Variants in PMP22 observed in about 807,000 individuals in gnomAD.
PMP22 encodes the protein peripheral myelin protein 22.
A neutral mutation model predicts 18.9 loss-of-function variants in PMP22; 2 were observed. That is an observed-to-expected ratio of 0.11 (90% CI 0.04 to 0.33). PMP22 has a LOEUF of 0.33. PMP22 is among the 10% of genes least tolerant of loss of function. PMP22 has a pLI of 1.00. For missense variants in PMP22, 169 were observed against 202.2 expected (o/e 0.84, Z 1.00); for synonymous variants, 95 against 89.2 (o/e 1.07, Z -0.37).
chr17:15,246,297 T>G (rs1237391106), intron 3 of PMP22, among the ~76,000 whole-genome samples: 1 of 152,204 alleles, frequency 6.6e-6, no homozygotes, highest in Admixed American at 6.5e-5. Flanking sequence ...AAATCAGCCA[T>G]AGCCATGGAC....
At chr17:15,251,649 T>A (rs66507245) in intron 3 of PMP22, 67,086 of 149,438 alleles carry the variant, frequency 0.45, 15,689 homozygotes, top group Middle Eastern at 0.55. Context: ...TGGGGGCCAC[T>A]TGTGTGTGGA....
At chr17:15,247,048 A>AGCG (rs1304427048) in intron 3 of PMP22, among the ~76,000 whole-genome samples, 25 of 126,250 alleles carry the variant, frequency 2.0e-4, no homozygotes, top group East Asian at 7.5e-4. Flanking sequence ...CCAGCCTGGA[A>AGCG]ACAGAGCAAG....
intron 3 of PMP22, among the ~76,000 whole-genome samples, chr17:15,245,173 T>A (rs527860528): frequency 5.7e-4 from 87 of 152,178 alleles, no homozygotes; most frequent in African/African-American, 2.1e-3. Context: ...ATTCAAGAGC[T>A]CTCGTTGTTG....
At chr17:15,245,741 G>A (rs1193711278) in intron 3 of PMP22, among the ~76,000 whole-genome samples, 1 of 151,912 alleles carries the variant, frequency 6.6e-6, no homozygotes, top group African/African-American at 2.4e-5. Context: ...GGCGCAGTGG[G>A]TCACGCCTGT....
At chr17:15,235,911 C>A (rs1597603399) in intron 4 of PMP22, among the ~76,000 whole-genome samples, 1 of 151,994 alleles carries the variant, frequency 6.6e-6, no homozygotes, top group Admixed American at 6.6e-5. Flanking sequence ...CGCACCACCA[C>A]GCCTGGCTAT....
At chr17:15,265,115 AC>A (rs1448178865) in intron 1 of PMP22, 38 bp downstream of exon 1, 1 of 152,158 alleles carries the variant, frequency 6.6e-6, no homozygotes, top group Non-Finnish European at 1.5e-5. Flanking sequence ...AAGCATAGGC[AC>A]ACATCACCCA....
rs914656794 is a variant in PMP22, at chr17:15,230,431, A to T, written c.*486T>A. 1 of 174,562 alleles carries T rather than the reference A, an allele frequency of 5.7e-6. No homozygotes were observed. The highest frequency in any genetic ancestry group is 5.5e-5 in the Admixed American group (1 of 18,090). 10.8% of individuals were successfully genotyped at this position (174,562 alleles called of 1,614,324 possible). A position where few individuals can be genotyped will look rare whatever the true frequency, so the allele number is the denominator to read the frequency against. ...CTGTTTCTGTTGGATGCACTGGGTC[A>T]CCCACCAGAAAAGGGCTTTTGGACA... On this transcript the variant is annotated 3_prime_UTR_variant, in exon 5 of 5. Transcript: ENST00000312280.
intron 3 of PMP22, among the ~76,000 whole-genome samples, chr17:15,254,254 A>T (rs1908616514): frequency 6.6e-6 from 1 of 152,204 alleles, no homozygotes; most frequent in Non-Finnish European, 1.5e-5. Context: ...TTTAAATATC[A>T]GCCTGGATTC....
chr17:15,240,506 A>G (rs1398640647), intron 3 of PMP22, among the ~76,000 whole-genome samples: 1 of 149,108 alleles, frequency 6.7e-6, no homozygotes, highest in African/African-American at 2.5e-5. Flanking sequence ...GAAGGCTTAC[A>G]CTTCCTTATC....
chr17:15,236,934 A>G (rs949729083), intron 4 of PMP22, among the ~76,000 whole-genome samples: 3 of 152,182 alleles, frequency 2.0e-5, no homozygotes, highest in African/African-American at 7.2e-5. Flanking sequence ...CACTCTCAGG[A>G]CTTACAAATT....
At position 15,262,045 on chromosome 17, in the gene PMP22, G is replaced by A. The variant is rs140944070; in HGVS notation, c.-34-1284C>T. 8.5e-4 allele frequency among the ~76,000 whole-genome samples: 130 copies of A among 152,322 alleles called. 2 individuals carry two copies. The East Asian group carries it at 0.021, about 25-fold the overall frequency. On this transcript the variant is annotated intron_variant, in intron 1 of 4. Coordinates refer to ENST00000312280, the MANE Select transcript of PMP22 (RefSeq NM_000304.4). ...ATGACTCCCAGAGGGTTTGAATTAA[G>A]CCGATGGCAGGAGGCTGGGAACTGG... is the stretch of plus-strand genomic sequence containing the variant.
rs1221506308 is a variant in PMP22 at position 15,259,197 on chromosome 17, G to C, written c.79-4C>G. Reference sequence around the variant, plus strand: ...GTCCATTGCCCACGATCCATTGCTAGAGAGAATCAGATAGATATCCTGAGT... The same window carrying C: ...GTCCATTGCCCACGATCCATTGCTACAGAGAATCAGATAGATATCCTGAGT... On this transcript the variant is annotated splice_region_variant and splice_polypyrimidine_tract_variant and intron_variant, in intron 2 of 4. Coordinates refer to ENST00000312280, the MANE Select transcript of PMP22 (RefSeq NM_000304.4). 1.9e-6 allele frequency: 3 copies of C among 1,604,244 alleles called. No individual in the cohort carries two copies. The highest frequency in any genetic ancestry group is 2.7e-5 in the African/African-American group (2 of 74,760).
rs1312911659 is a variant in PMP22 at position 15,258,690 on chromosome 17, A to C, written c.178+404T>G. ...CTAGCCCCACTGTCACTGCAGCAGAAAGGGGCAGGACATTTCTGAATAGAG... is the reference window on the plus strand; with the variant it reads ...CTAGCCCCACTGTCACTGCAGCAGACAGGGGCAGGACATTTCTGAATAGAG... On this transcript the variant is annotated intron_variant, in intron 3 of 4. Coordinates refer to ENST00000312280, the MANE Select transcript of PMP22 (RefSeq NM_000304.4). The surrounding 1 kb of genome is among the most constrained non-coding windows in gnomAD (Gnocchi z 4.1). 1 of 306,292 alleles carries C rather than the reference A, an allele frequency of 3.3e-6. No homozygotes were observed. The allele number at this position is 306,292 out of a possible 1,614,324, so 19.0% of individuals were successfully genotyped here.
chr17:15,256,958 G>A (rs186563977), intron 3 of PMP22, among the ~76,000 whole-genome samples: 2 of 152,308 alleles, frequency 1.3e-5, no homozygotes, highest in Non-Finnish European at 2.9e-5. Flanking sequence ...TTTAGATTAA[G>A]CCTGAGTGGC....
rs952478524 is a variant in PMP22, at chr17:15,230,114, A to C, written c.*803T>G. ...CTAGCTAGGTACAAAAGCAGTTATA[A>C]ACCATTTATATTACACAGAATTATT... On this transcript the variant is annotated 3_prime_UTR_variant, in exon 5 of 5. Transcript: ENST00000312280. 3.9e-5 allele frequency: 6 copies of C among 152,658 alleles called. No homozygotes were observed. Among genetic ancestry groups the C allele is most frequent in the African/African-American group, 1.4e-4 (6 of 41,448 alleles). The allele number at this position is 152,658 out of a possible 1,614,324, so 9.5% of individuals were successfully genotyped here.
At chr17:15,239,328 C>A (rs1343206166) in intron 4 of PMP22, 143 bp downstream of exon 4, 1 of 953,548 alleles carries the variant, frequency 1.0e-6, no homozygotes, top group Non-Finnish European at 1.7e-6. Context: ...CATACAAGCA[C>A]CCACCCTCAC....
At chr17:15,260,102 A>G (rs1909184510) in intron 2 of PMP22, among the ~76,000 whole-genome samples, 1 of 152,172 alleles carries the variant, frequency 6.6e-6, no homozygotes, top group Non-Finnish European at 1.5e-5. Context: ...TGGGCTGGAC[A>G]GTTTTGTAAC....
At chr17:15,234,093 ACTGGGGT>A (rs2150668784) in intron 4 of PMP22, among the ~76,000 whole-genome samples, 1 of 152,264 alleles carries the variant, frequency 6.6e-6, no homozygotes, top group Admixed American at 6.5e-5. Flanking sequence ...GCATAGCTGC[ACTGGGGT>A]TAGTGAGTCA....
At chr17:15,253,144 C>G (rs773695716) in intron 3 of PMP22, among the ~76,000 whole-genome samples, 5 of 152,208 alleles carry the variant, frequency 3.3e-5, no homozygotes, top group East Asian at 3.9e-4. Flanking sequence ...ACCCCTCCCC[C>G]TCACCAGAGC....
Sources: gnomAD v4.1 joint callset for allele counts (sites outside exome capture counted in the v4.1 genomes callset) on GRCh38, gnomAD v4.1.1 for gene constraint, Gnocchi (gnomAD v3.1) non-coding constraint, MANE v1.5 for transcripts, NCBI Gene and HGNC (gene_info 2026-07-23, HGNC 2026-07-21) for gene names.